ADGRL2: variants seen among roughly 807,000 people sequenced by gnomAD.
The protein encoded by ADGRL2 is adhesion G protein-coupled receptor L2.
ADGRL2 carries 44 observed loss-of-function variants against 157.4 expected under a neutral mutation model. The observed-to-expected ratio is 0.28, with a 90% CI of 0.22 to 0.36. ADGRL2 has a LOEUF of 0.36. Among genes scored for constraint, ADGRL2 ranks in the 10% least tolerant of loss-of-function variants. The pLI, the probability that ADGRL2 is intolerant of heterozygous loss-of-function variation, is 1.00. For missense variants in ADGRL2, 1,510 were observed against 1,768.9 expected, an observed-to-expected ratio of 0.85 and a Z score of 2.63; for synonymous variants, 585 against 624.7, an observed-to-expected ratio of 0.94 and a Z score of 0.95.
chr1:81,845,409 C>G (rs765828721), intron 2 of ADGRL2, among the ~76,000 whole-genome samples: 5 of 151,880 alleles, frequency 3.3e-5, no homozygotes, highest in Admixed American at 6.6e-5. Context: ...TTCAAATTGG[C>G]TTTTTTGAAG....
At chr1:81,701,065 G>A (rs980344037) in intron 1 of ADGRL2, among the ~76,000 whole-genome samples, 1 of 152,166 alleles carries the variant, frequency 6.6e-6, no homozygotes, top group Non-Finnish European at 1.5e-5. Context: ...CGGCACACAC[G>A]GTGCCTGCAG....
chr1:81,674,262 T>G (rs374143014), intron 3 of ADGRL2, among the ~76,000 whole-genome samples: 6 of 152,298 alleles, frequency 3.9e-5, no homozygotes, highest in Admixed American at 2.0e-4. Context: ...AGAAAGATTC[T>G]TAAAATCTTT....
intron 23 of ADGRL2, among the ~76,000 whole-genome samples, chr1:81,989,080 G>A (rs919738659): frequency 2.7e-5 from 4 of 149,744 alleles, no homozygotes; most frequent in Non-Finnish European, 4.4e-5. Flanking sequence ...TCATTTGCTT[G>A]AGAAGCACTG....
At chr1:81,562,291 G>C (rs6674509) in intron 2 of ADGRL2, among the ~76,000 whole-genome samples, 1 of 151,916 alleles carries the variant, frequency 6.6e-6, no homozygotes, top group Non-Finnish European at 1.5e-5. Flanking sequence ...AAGGTGATTT[G>C]ATTAAAAACA....
At chr1:81,529,490 G>T (rs1438576092) in intron 2 of ADGRL2, among the ~76,000 whole-genome samples, 1 of 152,178 alleles carries the variant, frequency 6.6e-6, no homozygotes, top group East Asian at 1.9e-4. Flanking sequence ...AATATATATT[G>T]GGTGCAATTA....
rs541696270 is a variant in ADGRL2 at position 81,476,143 on chromosome 1, AAGAG to A, written c.-248+31056_-248+31059del. Among the ~76,000 whole-genome samples, 618 of 152,036 alleles carry A rather than the reference AAGAG, an allele frequency of 4.1e-3. 2 individuals are homozygous for A. Among genetic ancestry groups the A allele is most frequent in the Non-Finnish European group, 6.9e-3 (472 of 68,006 alleles). The stretch of plus-strand genomic sequence containing the variant: ...TATATGGGTAGGAAAAAAAGAAAGA[AAGAG>A]AAAGAGCATAAGTGACAGAGAGAGA... On this transcript the variant is annotated intron_variant, in intron 2 of 24. Coordinates refer to the ADGRL2 transcript ENST00000370721.
intron 1 of ADGRL2, among the ~76,000 whole-genome samples, chr1:81,362,243 T>C (rs1313344769): frequency 3.9e-5 from 6 of 151,960 alleles, no homozygotes; most frequent in East Asian, 3.9e-4. Flanking sequence ...GACTTTTTTT[T>C]CCCATTATAT....
At chr1:81,962,571 G>C (rs1655763838) in intron 11 of ADGRL2, among the ~76,000 whole-genome samples, 1 of 151,880 alleles carries the variant, frequency 6.6e-6, no homozygotes, top group Admixed American at 6.6e-5. Flanking sequence ...TTTCTACTTA[G>C]GAAAATTTTC....
rs1430686324 is a variant in ADGRL2 at position 81,351,227 on chromosome 1, G to A, written c.-302+44718G>A. Among the ~76,000 whole-genome samples, 3 of 151,172 alleles carry A rather than the reference G, an allele frequency of 2.0e-5. No homozygotes were observed. The East Asian group carries it at 5.8e-4, about 29-fold the overall frequency. ...AGATGTTTTTTATTTATTTGTGTGA[G>A]GTTGTTCCTTTTTTTTTTTTAACCC... is the stretch of plus-strand genomic sequence containing the variant. On this transcript the variant is annotated intron_variant, in intron 1 of 24. Coordinates refer to the ADGRL2 transcript ENST00000370721.
intron 2 of ADGRL2, among the ~76,000 whole-genome samples, chr1:81,527,907 A>G (rs1349068328): frequency 6.6e-6 from 1 of 151,640 alleles, no homozygotes; most frequent in African/African-American, 2.4e-5. Flanking sequence ...CTCTACTAAA[A>G]ATACCAACAA....
chr1:81,688,510 T>C (rs2083274318), intron 3 of ADGRL2, among the ~76,000 whole-genome samples: 1 of 152,158 alleles, frequency 6.6e-6, no homozygotes, highest in Admixed American at 6.6e-5. Flanking sequence ...GTCCATAGTT[T>C]CCTGAATATT....
intron 1 of ADGRL2, among the ~76,000 whole-genome samples, chr1:81,347,256 C>T (rs908815507): frequency 1.3e-5 from 2 of 151,926 alleles, no homozygotes; most frequent in Non-Finnish European, 2.9e-5. Context: ...AAAAAAATAG[C>T]CAGGTGTGGT....
In ADGRL2 at chr1:81,907,333, TATTTATTA is replaced by T. The variant is rs1338369770; in HGVS notation, c.287+105_287+112del. The stretch of plus-strand genomic sequence containing the variant: ...AATGGATATAGACCACATCCCAGCC[TATTTATTA>T]AACTGAGTTGGGTTTTTACCTACTA... On this transcript the variant is annotated intron_variant, in intron 3 of 23. Transcript: ENST00000686636. The T allele has an allele frequency of 3.2e-6, 3 of 931,844 alleles. No homozygotes were observed. The Admixed American group carries it at 6.0e-5, about 19-fold the overall frequency. The allele number at this position is 931,844 out of a possible 1,614,324, so 57.7% of individuals were successfully genotyped here. A position where few individuals can be genotyped will look rare whatever the true frequency, so the allele number is the denominator to read the frequency against.
chr1:81,369,733 G>A (rs1487228927), intron 1 of ADGRL2, among the ~76,000 whole-genome samples: 1 of 152,040 alleles, frequency 6.6e-6, no homozygotes, highest in Non-Finnish European at 1.5e-5. Flanking sequence ...GTTCAGAAAA[G>A]CCACGGCAGA....
intron 3 of ADGRL2, among the ~76,000 whole-genome samples, chr1:81,610,875 T>G (rs1293899880): frequency 1.3e-5 from 2 of 152,198 alleles, no homozygotes; most frequent in Non-Finnish European, 1.5e-5. Context: ...AGATTGCTTG[T>G]GGTACCATCT....
rs537488006 is a variant in ADGRL2, at chr1:81,643,214, G to A, written c.-143+62234G>A. On this transcript the variant is annotated intron_variant, in intron 3 of 24. Coordinates refer to the ADGRL2 transcript ENST00000370721. ...CTGACACACACAAAAAGACTTCCCG[G>A]GACTAATAAGTGATTATAGCAGGGT... Among the ~76,000 whole-genome samples, 6 of 152,244 alleles carry A rather than the reference G, an allele frequency of 3.9e-5. No individual in the cohort carries two copies. In the East Asian group the frequency reaches 1.2e-3, roughly 29 times the overall value.
At chr1:81,942,530 C>T (rs1648425047) in intron 5 of ADGRL2, among the ~76,000 whole-genome samples, 1 of 151,794 alleles carries the variant, frequency 6.6e-6, no homozygotes, top group African/African-American at 2.4e-5. Flanking sequence ...TCTTCACATT[C>T]GGTTTTCTGT....
intron 2 of ADGRL2, chr1:81,503,142 C>T: frequency 1.2e-6 from 2 of 1,614,090 alleles, no homozygotes; most frequent in Admixed American, 1.7e-5. Context: ...TGCAGCAGGC[C>T]TTCCAGCGCA....
At chr1:81,392,787 T>G (rs914940482) in intron 1 of ADGRL2, among the ~76,000 whole-genome samples, 1 of 152,100 alleles carries the variant, frequency 6.6e-6, no homozygotes, top group Admixed American at 6.6e-5. Context: ...TGGGTAAAAC[T>G]ATATATGTTT....
Sources: gnomAD v4.1 joint callset for allele counts (sites outside exome capture counted in the v4.1 genomes callset) on GRCh38, gnomAD v4.1.1 for gene constraint, MANE v1.5 for transcripts, NCBI Gene and HGNC (gene_info 2026-07-23, HGNC 2026-07-21) for gene names.